PSD3: variants seen among roughly 807,000 people sequenced by gnomAD.
PSD3 encodes pleckstrin and Sec7 domain containing 3.
In PSD3, 49 loss-of-function variants were observed where a neutral mutation model predicts 105.5. That is an observed-to-expected ratio of 0.46 (90% CI 0.37 to 0.59). PSD3 has a LOEUF of 0.59. Ranked by LOEUF, PSD3 falls within the 20% of genes least tolerant of loss-of-function variation. The pLI is 0.00. For missense variants in PSD3, 1,561 were observed against 1,263.8 expected (o/e 1.24, Z -3.57); for synonymous variants, 557 against 457.8 (o/e 1.22, Z -2.77).
intron 10 of PSD3, among the ~76,000 whole-genome samples, chr8:18,648,537 C>G (rs1195466027): frequency 6.6e-6 from 1 of 152,120 alleles, no homozygotes; most frequent in Admixed American, 6.5e-5. Flanking sequence ...TATGTGCGAG[C>G]AAATAAATGA....
At chr8:18,799,036 T>C in intron 8 of PSD3, 1 of 384,684 alleles carries the variant, frequency 2.6e-6, no homozygotes, top group South Asian at 3.2e-5. Context: ...TGCCATCTAC[T>C]GGACAAAGAA....
intron 9 of PSD3, among the ~76,000 whole-genome samples, chr8:18,710,735 G>A (rs1220674406): frequency 6.6e-6 from 1 of 152,000 alleles, no homozygotes; most frequent in Non-Finnish European, 1.5e-5. Flanking sequence ...AGGCTGGAGT[G>A]CAGTGGCGTG....
chr8:18,790,504 A>AT (rs1315679457), intron 8 of PSD3, among the ~76,000 whole-genome samples: 1 of 151,840 alleles, frequency 6.6e-6, no homozygotes, highest in African/African-American at 2.4e-5. Flanking sequence ...GGGTTTCACC[A>AT]TGTTAGCCAG....
At chr8:18,631,170 G>A (rs766192361) in intron 11 of PSD3, among the ~76,000 whole-genome samples, 15 of 151,942 alleles carry the variant, frequency 9.9e-5, no homozygotes, top group Non-Finnish European at 1.6e-4. Flanking sequence ...GTATATTTGT[G>A]GTTGTAAAAG....
At position 18,690,966 on chromosome 8, in the gene PSD3, C is replaced by A. The variant is rs189575185; in HGVS notation, c.2173-35281G>T. Among the ~76,000 whole-genome samples the A allele has an allele frequency of 3.8e-3, 579 of 152,056 alleles. 4 individuals carry two copies. Among genetic ancestry groups the A allele is most frequent in the African/African-American group, 0.013 (553 of 41,466 alleles). On this transcript the variant is annotated intron_variant, in intron 9 of 15. Coordinates refer to ENST00000327040, the MANE Select transcript of PSD3 (RefSeq NM_015310.4). The stretch of plus-strand genomic sequence containing the variant: ...ATCACTAGAATCTAAGCTAAATCAA[C>A]CTTAATGAACAATCACTATAAGAAT...
chr8:18,579,544 A>G (rs1443677977), intron 12 of PSD3, among the ~76,000 whole-genome samples: 1 of 152,176 alleles, frequency 6.6e-6, no homozygotes, highest in Admixed American at 6.5e-5. Context: ...CACCATCCCA[A>G]TAAACACCAA....
rs144900730 is a variant in PSD3 at position 18,770,424 on chromosome 8, T to C, written c.2083-4886A>G. Reference sequence around the variant, plus strand: ...TATCTTTTCCCATTCTGTGGGTCTTTTCATTTTTTTCCTTTCACTTTCTTG... The same window carrying C: ...TATCTTTTCCCATTCTGTGGGTCTTCTCATTTTTTTCCTTTCACTTTCTTG... On this transcript the variant is annotated intron_variant, in intron 8 of 15. Coordinates refer to ENST00000327040, the MANE Select transcript of PSD3 (RefSeq NM_015310.4). 7.7e-3 allele frequency among the ~76,000 whole-genome samples: 1,162 copies of C among 151,802 alleles called. 40 individuals are homozygous for C. The highest frequency in any genetic ancestry group is 0.034 in the Admixed American group (524 of 15,286).
intron 1 of PSD3, among the ~76,000 whole-genome samples, chr8:19,025,702 G>A (rs1206037796): frequency 6.6e-6 from 1 of 152,160 alleles, no homozygotes; most frequent in African/African-American, 2.4e-5. Context: ...AAAGTCTTGT[G>A]GGATTTTAAC....
intron 9 of PSD3, among the ~76,000 whole-genome samples, chr8:18,669,721 G>A (rs1237152634): frequency 6.6e-6 from 1 of 152,222 alleles, no homozygotes; most frequent in African/African-American, 2.4e-5. Context: ...GTTTTTGGAC[G>A]ATGTTTGATG....
chr8:18,702,982 C>T (rs1251608814), intron 9 of PSD3, among the ~76,000 whole-genome samples: 1 of 152,050 alleles, frequency 6.6e-6, no homozygotes. Flanking sequence ...TTTTCATGTT[C>T]TCCTAAAATG....
rs550347157 is a variant in PSD3, at chr8:18,686,029, AAACAAACAAAC to A, written c.2173-30355_2173-30345del. On this transcript the variant is annotated intron_variant, in intron 9 of 15. Coordinates refer to ENST00000327040, the MANE Select transcript of PSD3 (RefSeq NM_015310.4). ...CACCAAAATGGTTAGATTAAAAAAC[AAACAAACAAAC>A]AACAACAACAACAACAAAAACTAAA... 8.5e-5 allele frequency among the ~76,000 whole-genome samples: 13 copies of A among 152,292 alleles called. No homozygotes were observed. The East Asian group carries it at 2.5e-3, about 29-fold the overall frequency.
intron 10 of PSD3, among the ~76,000 whole-genome samples, chr8:18,642,933 T>C (rs532625018): frequency 6.6e-5 from 10 of 152,360 alleles, no homozygotes; most frequent in African/African-American, 2.2e-4. Context: ...AGAAAACAAG[T>C]ACTTAAATCT....
At chr8:18,551,047 C>G (rs899843452) in intron 15 of PSD3, among the ~76,000 whole-genome samples, 14 of 152,124 alleles carry the variant, frequency 9.2e-5, no homozygotes, top group Non-Finnish European at 1.8e-4. Flanking sequence ...TGATCCAGAC[C>G]ACTTGCAGCT....
intron 11 of PSD3, among the ~76,000 whole-genome samples, chr8:18,611,145 G>C (rs1320414766): frequency 6.6e-6 from 1 of 151,686 alleles, no homozygotes; most frequent in African/African-American, 2.4e-5. Context: ...TCACAGTGGG[G>C]ATTCCAGGAG....
Position 18,886,285 on chromosome 8 carries a change from T to G in PSD3, c.131-13552A>C, listed in dbSNP as rs1818448004. Among the ~76,000 whole-genome samples the G allele has an allele frequency of 6.6e-5, 10 of 152,272 alleles. No homozygotes were observed. In the South Asian group the frequency reaches 2.1e-3, roughly 32 times the overall value. On this transcript the variant is annotated intron_variant, in intron 2 of 15. Transcript: ENST00000327040. ...AAATTTTGAAAAACTCAATGTCACA[T>G]GCTGAAATCAACATTCCAGGTAAAG...
At chr8:18,911,877 T>C (rs975545109) in intron 2 of PSD3, among the ~76,000 whole-genome samples, 16 of 151,992 alleles carry the variant, frequency 1.1e-4, no homozygotes, top group African/African-American at 3.1e-4. Flanking sequence ...AAGAAAAATA[T>C]CTTACACATT....
chr8:18,910,261 G>C (rs928791496), intron 2 of PSD3, among the ~76,000 whole-genome samples: 1 of 145,816 alleles, frequency 6.9e-6, no homozygotes, highest in Non-Finnish European at 1.5e-5. Context: ...TGATAGACTG[G>C]ATTAAGAAAA....
intron 1 of PSD3, among the ~76,000 whole-genome samples, chr8:18,959,369 T>C (rs1372192183): frequency 1.3e-5 from 2 of 152,196 alleles, no homozygotes; most frequent in Non-Finnish European, 1.5e-5. Context: ...GGGGAATCCA[T>C]TCTCCAGCAC....
At chr8:18,890,190 C>T (rs566429868) in intron 2 of PSD3, among the ~76,000 whole-genome samples, 1 of 151,996 alleles carries the variant, frequency 6.6e-6, no homozygotes, top group Non-Finnish European at 1.5e-5. Context: ...AACAATAATT[C>T]CTTATGTAAA....
Sources: gnomAD v4.1 joint callset for allele counts (sites outside exome capture counted in the v4.1 genomes callset) on GRCh38, gnomAD v4.1.1 for gene constraint, MANE v1.5 for transcripts, NCBI Gene and HGNC (gene_info 2026-07-23, HGNC 2026-07-21) for gene names.